NBAS: variants seen among roughly 807,000 people sequenced by gnomAD.
The protein encoded by NBAS is NAG/BC035112 fusion.
A neutral mutation model predicts 302.5 loss-of-function variants in NBAS; 219 were observed. The ratio of observed to expected loss-of-function variants is 0.72; its 90% confidence interval spans 0.65 to 0.81. The LOEUF is 0.81. Among genes scored for constraint, NBAS ranks in the 30% least tolerant of loss-of-function variants. The probability of loss-of-function intolerance (pLI) is 0.00; values close to 1 mark genes in which losing one functional copy is unlikely to be tolerated. For synonymous variants in NBAS, 1,118 were observed against 1,021.6 expected, an observed-to-expected ratio of 1.09 and a Z score of -1.80; for missense variants, 2,932 against 2,841.6, an observed-to-expected ratio of 1.03 and a Z score of -0.72.
the NBAS span, among the ~76,000 whole-genome samples, chr2:15,141,014 T>C: frequency 2.6e-5 from 4 of 152,228 alleles, no homozygotes; most frequent in East Asian, 7.7e-4. Context: ...TCAATAAATG[T>C]ACACTATTAT....
chr2:14,814,151 C>G, the NBAS span, among the ~76,000 whole-genome samples: 2 of 152,326 alleles, frequency 1.3e-5, no homozygotes, highest in East Asian at 3.9e-4. Context: ...AGGGGCACAG[C>G]CCACATGGAG....
chr2:15,054,499 G>C, the NBAS span, among the ~76,000 whole-genome samples: 1 of 152,168 alleles, frequency 6.6e-6, no homozygotes, highest in Non-Finnish European at 1.5e-5. Flanking sequence ...TTCCAGTTGA[G>C]GAAACTGAGA....
the NBAS span, among the ~76,000 whole-genome samples, chr2:14,835,176 A>C: frequency 1.3e-5 from 2 of 151,968 alleles, no homozygotes; most frequent in African/African-American, 4.8e-5. Context: ...TTGAGGTAAG[A>C]CCAATTGTAC....
At chr2:15,237,682 G>A (rs924193141) in intron 45 of NBAS, among the ~76,000 whole-genome samples, 1 of 150,590 alleles carries the variant, frequency 6.6e-6, no homozygotes, top group African/African-American at 2.4e-5. Flanking sequence ...CGCAACCTCC[G>A]CCTCCCAGGA....
At chr2:15,146,146 A>G in the NBAS span, among the ~76,000 whole-genome samples, 1 of 152,078 alleles carries the variant, frequency 6.6e-6, no homozygotes, top group Non-Finnish European at 1.5e-5. Flanking sequence ...TGTGCCACTC[A>G]CTAGCTGTGT....
chr2:15,133,380 T>C, the NBAS span, among the ~76,000 whole-genome samples: 2 of 152,000 alleles, frequency 1.3e-5, no homozygotes, highest in Non-Finnish European at 2.9e-5. Flanking sequence ...GTAGGTGAGA[T>C]GGTCTTAGAG....
chr2:14,979,756 C>T, the NBAS span, among the ~76,000 whole-genome samples: 13 of 152,014 alleles, frequency 8.6e-5, no homozygotes, highest in African/African-American at 2.9e-4. Context: ...AAAAGTTTTA[C>T]AATAAATACA....
chr2:15,039,344 G>A, the NBAS span, among the ~76,000 whole-genome samples: 19 of 152,300 alleles, frequency 1.2e-4, no homozygotes, highest in South Asian at 2.9e-3. Context: ...CCTCTAAGGC[G>A]CCTTCAGCTC....
intron 50 of NBAS, among the ~76,000 whole-genome samples, chr2:15,183,937 T>C (rs1345580426): frequency 6.6e-6 from 1 of 152,158 alleles, no homozygotes; most frequent in Non-Finnish European, 1.5e-5. Context: ...AAACTTAATG[T>C]ATTACTCTAT....
the NBAS span, among the ~76,000 whole-genome samples, chr2:14,914,370 G>A: frequency 2.1e-4 from 32 of 152,348 alleles, no homozygotes; most frequent in Non-Finnish European, 5.9e-5. Flanking sequence ...CCCTTGGGAA[G>A]AGACTGCACC....
chr2:15,241,176 T>A (rs1667851656), intron 44 of NBAS, among the ~76,000 whole-genome samples: 1 of 152,076 alleles, frequency 6.6e-6, no homozygotes, highest in South Asian at 2.1e-4. Flanking sequence ...TGAATAAGAG[T>A]TTATAGCAGA....
intron 5 of NBAS, among the ~76,000 whole-genome samples, chr2:15,552,961 T>C (rs1043649608): frequency 2.6e-5 from 4 of 152,060 alleles, no homozygotes; most frequent in African/African-American, 7.2e-5. Context: ...TGCGCCACCA[T>C]GCCCAGCTAA....
intron 44 of NBAS, among the ~76,000 whole-genome samples, chr2:15,250,363 G>C (rs1295879413): frequency 6.6e-6 from 1 of 152,146 alleles, no homozygotes; most frequent in African/African-American, 2.4e-5. Context: ...AAAAACCCTA[G>C]AAGAAAATCT....
At chr2:14,825,978 AC>A in the NBAS span, among the ~76,000 whole-genome samples, 1 of 152,232 alleles carries the variant, frequency 6.6e-6, no homozygotes, top group African/African-American at 2.4e-5. Context: ...AATAATACAG[AC>A]TTTTTAATCC....
intron 9 of NBAS, among the ~76,000 whole-genome samples, chr2:15,521,727 G>A (rs760994030): frequency 4.6e-5 from 7 of 152,188 alleles, no homozygotes; most frequent in Non-Finnish European, 1.0e-4. Context: ...GACATTTTGA[G>A]ATATACAGAA....
the NBAS span, among the ~76,000 whole-genome samples, chr2:15,010,664 C>A: frequency 7.9e-5 from 12 of 152,146 alleles, no homozygotes; most frequent in Non-Finnish European, 1.6e-4. Context: ...AACTATTTTA[C>A]AAGAAATATT....
At chr2:15,465,790 TA>T (rs1213945742) in intron 19 of NBAS, among the ~76,000 whole-genome samples, 1 of 152,144 alleles carries the variant, frequency 6.6e-6, no homozygotes, top group Non-Finnish European at 1.5e-5. Flanking sequence ...TACTATCATA[TA>T]GGGAATAGCA....
chr2:15,134,271 C>A, the NBAS span, among the ~76,000 whole-genome samples: 1 of 152,120 alleles, frequency 6.6e-6, no homozygotes, highest in Non-Finnish European at 1.5e-5. Flanking sequence ...TTCTGCCCTG[C>A]GAGGAAACAA....
At chr2:15,368,365 A>G (rs1050810349) in intron 31 of NBAS, among the ~76,000 whole-genome samples, 1 of 151,886 alleles carries the variant, frequency 6.6e-6, no homozygotes, top group African/African-American at 2.4e-5. Context: ...ACGCCTGGCT[A>G]ACTTTTGTAT....
Sources: allele counts gnomAD v4.1 joint callset (sites outside exome capture counted in the v4.1 genomes callset), GRCh38; gene constraint gnomAD v4.1.1; transcripts MANE v1.5; gene names NCBI Gene and HGNC (gene_info 2026-07-23, HGNC 2026-07-21).